The following GALNT9 variants were observed in gnomAD, a reference collection of about 807,000 sequenced individuals.
GALNT9 encodes the protein polypeptide N-acetylgalactosaminyltransferase 9.
GALNT9 carries 47 observed loss-of-function variants against 63.1 expected under a neutral mutation model. The ratio of observed to expected loss-of-function variants is 0.75; its 90% CI spans 0.59 to 0.95. The LOEUF is 0.95. GALNT9 is among the 40% of genes least tolerant of loss of function. The pLI, the probability that GALNT9 is intolerant of heterozygous loss-of-function variation, is 0.00. For synonymous variants in GALNT9, 396 were observed against 365.7 expected (o/e 1.08, Z -0.94); for missense variants, 829 against 874.8 (o/e 0.95, Z 0.66).
chr12:132,322,287 C>G (rs1868837455), intron 1 of GALNT9, among the ~76,000 whole-genome samples: 1 of 152,230 alleles, frequency 6.6e-6, no homozygotes. Context: ...CACTCCCCGT[C>G]TTCCTCCCTG....
At chr12:132,214,809 C>T (rs1363871641) in intron 6 of GALNT9, among the ~76,000 whole-genome samples, 1 of 152,204 alleles carries the variant, frequency 6.6e-6, no homozygotes, top group African/African-American at 2.4e-5. Flanking sequence ...AACGATAAAG[C>T]CACTTGGAGA....
At chr12:132,200,378 C>G (rs1055229161) in intron 8 of GALNT9, 1 of 152,042 alleles carries the variant, frequency 6.6e-6, no homozygotes, top group Non-Finnish European at 1.5e-5. Flanking sequence ...ACGGGGGTCT[C>G]TGTGTAGCTG....
At chr12:132,205,930 C>A (rs75506671) in intron 6 of GALNT9, 7,026 of 152,374 alleles carry the variant, frequency 0.046, 203 homozygotes, top group Middle Eastern at 0.099. Context: ...CACCTCGGAG[C>A]CCTGCCCTTC....
intron 2 of GALNT9, among the ~76,000 whole-genome samples, chr12:132,276,802 C>T (rs1425849689): frequency 2.0e-5 from 3 of 152,090 alleles, no homozygotes; most frequent in Non-Finnish European, 2.9e-5. Context: ...AAGCATCTAC[C>T]GTCTGACAAA....
chr12:132,262,596 A>T lies in GALNT9; in HGVS notation c.449T>A (p.Leu150Gln). 5.8e-6 allele frequency: 9 copies of T among 1,551,268 alleles called. No individual in the cohort carries two copies. The highest frequency in any genetic ancestry group is 7.8e-6 in the Non-Finnish European group (9 of 1,146,786). The part of the protein sequence containing the change: ...KCRQMSYAQD[L>Q]PQVSVVFIFV... ...GATGAAGACCACGGAGACCTGGGGC[A>T]GGTCCTGGGCGTAGCTCATCTGTCT... is the stretch of plus-strand genomic sequence containing the variant. Residue 150 changes from leucine to glutamine, a missense_variant, in exon 3 of 11, where the codon CTG becomes CAG. Leu to Gln is a moderately radical substitution (Grantham distance 113). Transcript: ENST00000328957.
chr12:132,257,902 T>C lies in GALNT9; in HGVS notation c.762-16A>G. 1.3e-6 allele frequency: 2 copies of C among 1,500,830 alleles called. No individual in the cohort carries two copies. The highest frequency in any genetic ancestry group is 1.8e-6 in the Non-Finnish European group (2 of 1,111,410). 93.0% of individuals were successfully genotyped at this position (1,500,830 alleles called of 1,614,324 possible). A position where few individuals can be genotyped will look rare whatever the true frequency, so the allele number is the denominator to read the frequency against. ...GGGCTCGGCCCTGCGGAGGCACAGC[T>C]GTGAGGAGGGGCGGCCCCAGCCCAC... is the stretch of plus-strand genomic sequence containing the variant. On this transcript the variant is annotated splice_polypyrimidine_tract_variant and intron_variant, in intron 4 of 10. Coordinates refer to ENST00000328957, the MANE Select transcript of GALNT9 (RefSeq NM_001122636.2).
chr12:132,216,353 G>T (rs1258494169), intron 6 of GALNT9, among the ~76,000 whole-genome samples: 1 of 152,230 alleles, frequency 6.6e-6, no homozygotes, highest in African/African-American at 2.4e-5. Context: ...CCTCACACAG[G>T]GAGAACAATG....
chr12:132,227,876 AT>A (rs1159895363), intron 6 of GALNT9, among the ~76,000 whole-genome samples: 7 of 151,954 alleles, frequency 4.6e-5, no homozygotes, highest in African/African-American at 1.7e-4. Flanking sequence ...GGATGTGCAA[AT>A]GGACAGAGAC....
At chr12:132,284,194 T>C (rs1880492490) in intron 2 of GALNT9, 1 of 148,698 alleles carries the variant, frequency 6.7e-6, no homozygotes, top group African/African-American at 2.5e-5. Context: ...CCCACGCATG[T>C]GTGTGCACAC....
chr12:132,256,969 G>GCA (rs1879144830), intron 5 of GALNT9, among the ~76,000 whole-genome samples: 1 of 152,124 alleles, frequency 6.6e-6, no homozygotes, highest in East Asian at 1.9e-4. Flanking sequence ...TGTTCATGTC[G>GCA]CGCCCTGTCC....
Position 132,262,475 on chromosome 12 carries a change from G to A in GALNT9, c.570C>T (p.Asp190=), listed in dbSNP as rs1010869132. The change falls in exon 3 of 11, where the codon GAC becomes GAT. Residue 190 remains aspartate, a synonymous_variant. Coordinates refer to ENST00000328957, the MANE Select transcript of GALNT9 (RefSeq NM_001122636.2). The part of the protein sequence containing the change: ...SQLLKEVILV[D]DNSDNVELKF... ...CCCACTCACCGTTGTCACTGTTGTCGTCCACCAGGATGACCTCCTTGAGGA... is the reference window on the plus strand; with the variant it reads ...CCCACTCACCGTTGTCACTGTTGTCATCCACCAGGATGACCTCCTTGAGGA... The A allele has an allele frequency of 5.2e-6, 8 of 1,550,420 alleles. No individual in the cohort carries two copies. The highest frequency in any genetic ancestry group is 4.9e-5 in the East Asian group (2 of 40,914).
rs1468811734 is a variant in GALNT9, at chr12:132,327,395, C to T, written c.238+1571G>A. Among the ~76,000 whole-genome samples, 1 of 151,978 alleles carries T rather than the reference C, an allele frequency of 6.6e-6. No homozygotes were observed. The highest frequency in any genetic ancestry group is 1.5e-5 in the Non-Finnish European group (1 of 67,984). Reference sequence around the variant, plus strand: ...TTTTTCCACCACCAAGAATCCCAGCCGATTCTCACCTTGAAGGGTGAGGCA... The same window carrying T: ...TTTTTCCACCACCAAGAATCCCAGCTGATTCTCACCTTGAAGGGTGAGGCA... On this transcript the variant is annotated intron_variant, in intron 1 of 10. Transcript: ENST00000328957. The surrounding 1 kb of genome is among the most constrained non-coding windows in gnomAD (Gnocchi z 4.3).
chr12:132,239,275 G>A (rs1245272510), intron 6 of GALNT9, among the ~76,000 whole-genome samples: 1 of 151,804 alleles, frequency 6.6e-6, no homozygotes, highest in Non-Finnish European at 1.5e-5. Context: ...GAGAGACACA[G>A]AGACAGAGAC....
intron 6 of GALNT9, among the ~76,000 whole-genome samples, 198 bp from the exon 7 acceptor site, chr12:132,203,888 G>A (rs1181388862): frequency 6.6e-6 from 1 of 152,074 alleles, no homozygotes; most frequent in Non-Finnish European, 1.5e-5. Context: ...GAAAGTTCAG[G>A]TCTGGGTTGC....
intron 5 of GALNT9, among the ~76,000 whole-genome samples, chr12:132,255,832 G>A (rs28531389): frequency 0.94 from 142,496 of 152,260 alleles, 66,878 homozygotes; most frequent in Non-Finnish European, 0.97. Context: ...TGACAACACC[G>A]CGTGGACCCA....
Position 132,310,397 on chromosome 12 carries a change from C to T in GALNT9, c.238+18569G>A, listed in dbSNP as rs140153454. Among the ~76,000 whole-genome samples the T allele has an allele frequency of 3.9e-3, 597 of 152,312 alleles. 1 individual carries two copies. Among genetic ancestry groups the T allele is most frequent in the Middle Eastern group, 6.8e-3 (2 of 294 alleles). On this transcript the variant is annotated intron_variant, in intron 1 of 10. Coordinates refer to ENST00000328957, the MANE Select transcript of GALNT9 (RefSeq NM_001122636.2). This position sits in a 1 kb window ranked among gnomAD's most constrained non-coding sequence, Gnocchi z 4.8. The stretch of plus-strand genomic sequence containing the variant: ...GCTGAGTGCCAGGAGTGAGAGCGCA[C>T]CCACGTGAGGTCAGGCTGCCTCCCA...
chr12:132,326,823 C>T lies in GALNT9; in HGVS notation c.238+2143G>A, dbSNP rs550650883. 2.0e-5 allele frequency among the ~76,000 whole-genome samples: 3 copies of T among 152,362 alleles called. No homozygotes were observed. In the East Asian group the frequency reaches 5.8e-4, roughly 29 times the overall value. On this transcript the variant is annotated intron_variant, in intron 1 of 10. Transcript: ENST00000328957. Reference sequence around the variant, plus strand: ...CCTCCTCCAGGGAGCTTCTTACACACCTTTTAGCACTGAGAGCCTGTGCCA... The same window carrying T: ...CCTCCTCCAGGGAGCTTCTTACACATCTTTTAGCACTGAGAGCCTGTGCCA...
At position 132,295,220 on chromosome 12, in the gene GALNT9, C is replaced by A. The variant is rs73473602; in HGVS notation, c.239-8790G>T. On this transcript the variant is annotated intron_variant, in intron 1 of 10. Transcript: ENST00000328957. ...GGAGAGTTTGCTCTGCTCTTCCCACCCCCAATGCCCTGGCTTCCCCGACAG... is the reference window on the plus strand; with the variant it reads ...GGAGAGTTTGCTCTGCTCTTCCCACACCCAATGCCCTGGCTTCCCCGACAG... 1.1e-4 allele frequency among the ~76,000 whole-genome samples: 17 copies of A among 152,332 alleles called. No homozygotes were observed. In the South Asian group the frequency reaches 3.1e-3, roughly 28 times the overall value.
In GALNT9 at chr12:132,276,002, C is replaced by T. The variant is rs535498182; in HGVS notation, c.419+10248G>A. 9.8e-5 allele frequency among the ~76,000 whole-genome samples: 15 copies of T among 152,360 alleles called. 1 individual carries two copies. The East Asian group carries it at 1.7e-3, about 18-fold the overall frequency. On this transcript the variant is annotated intron_variant, in intron 2 of 10. Coordinates refer to ENST00000328957, the MANE Select transcript of GALNT9 (RefSeq NM_001122636.2). ...TAGAGAGTCCAGGGCTGCCTGGCAT[C>T]GAGCCGGCTCTGCCCCGCAGGTCCC...
Sources: allele counts gnomAD v4.1 joint callset (sites outside exome capture counted in the v4.1 genomes callset), GRCh38; gene constraint gnomAD v4.1.1; non-coding constraint Gnocchi (gnomAD v3.1); transcripts MANE v1.5; gene names NCBI Gene and HGNC (gene_info 2026-07-23, HGNC 2026-07-21).